Variants in SCN8A observed in about 807,000 individuals in gnomAD.
SCN8A encodes the protein sodium channel protein type 8 subunit alpha.
In SCN8A, 30 loss-of-function variants were observed where a neutral mutation model predicts 184.1. That is an observed-to-expected ratio of 0.16 (90% CI 0.12 to 0.22). SCN8A has a LOEUF of 0.22. SCN8A is among the 10% of genes least tolerant of loss of function. SCN8A has a pLI of 1.00. For synonymous variants in SCN8A, 852 were observed against 907.0 expected, an observed-to-expected ratio of 0.94 and a Z score of 1.09; for missense variants, 1,057 against 2,498.9, an observed-to-expected ratio of 0.42 and a Z score of 12.30.
At position 51,752,487 on chromosome 12, in the gene SCN8A, C is replaced by T. The variant is rs551870122; in HGVS notation, c.2370+894C>T. Reference sequence around the variant, plus strand: ...GTCCTATTACTATACTATTAGAGCACTACAATATCATTTTCATTTCTCATT... The same window carrying T: ...GTCCTATTACTATACTATTAGAGCATTACAATATCATTTTCATTTCTCATT... On this transcript the variant is annotated intron_variant, in intron 14 of 26. Coordinates refer to ENST00000627620, the MANE Select transcript of SCN8A (RefSeq NM_001330260.2). 9.9e-5 allele frequency among the ~76,000 whole-genome samples: 15 copies of T among 152,236 alleles called. No individual in the cohort carries two copies. In the East Asian group the frequency reaches 2.9e-3, roughly 29 times the overall value.
intron 11 of SCN8A, chr12:51,712,414 C>T: frequency 1.3e-6 from 1 of 751,080 alleles, no homozygotes; most frequent in Non-Finnish European, 2.4e-6. Flanking sequence ...TTCCTGACAG[C>T]TCCTCGCGCT....
intron 20 of SCN8A, among the ~76,000 whole-genome samples, chr12:51,775,647 A>G (rs11169916): frequency 0.12 from 18,486 of 152,260 alleles, 1,401 homozygotes; most frequent in East Asian, 0.36. Context: ...CTGGAGCTCT[A>G]AGACTTAAAG....
rs1335543365 is a variant in SCN8A, at chr12:51,807,631, T to C, written c.*202T>C. ...GGGCAAAGGACCCCGCTCCCTAGAC[T>C]TACAGATTTTCTAATGCTTGGGCAG... On this transcript the variant is annotated 3_prime_UTR_variant, in exon 27 of 27. Coordinates refer to ENST00000627620, the MANE Select transcript of SCN8A (RefSeq NM_001330260.2). This position sits in a 1 kb window ranked among gnomAD's most constrained non-coding sequence, Gnocchi z 4.5. The C allele has an allele frequency of 4.9e-6, 3 of 614,024 alleles. No individual in the cohort carries two copies. The highest frequency in any genetic ancestry group is 4.1e-5 in the South Asian group (2 of 49,070). 38.0% of individuals were successfully genotyped at this position (614,024 alleles called of 1,614,324 possible).
chr12:51,615,399 A>T (rs1465489832), intron 1 of SCN8A, among the ~76,000 whole-genome samples: 1 of 152,152 alleles, frequency 6.6e-6, no homozygotes, highest in African/African-American at 2.4e-5. Flanking sequence ...TACAAAAAAT[A>T]CAAAAATTAG....
At chr12:51,771,433 C>T (rs1438377923) in intron 19 of SCN8A, among the ~76,000 whole-genome samples, 1 of 140,380 alleles carries the variant, frequency 7.1e-6, no homozygotes, top group Admixed American at 7.1e-5. Context: ...AATCTGGAAG[C>T]AAAAAAAAAA....
intron 11 of SCN8A, chr12:51,712,892 G>T: frequency 1.3e-6 from 2 of 1,571,270 alleles, no homozygotes; most frequent in South Asian, 2.2e-5. Context: ...TTTCCACCAC[G>T]GCCAAAATTA....
chr12:51,797,927 C>T lies in SCN8A; in HGVS notation c.4795+3286C>T, dbSNP rs553430833. Reference sequence around the variant, plus strand: ...CCTTTAGGCCAGCAGAACATAATGTCGCAGGAACAGGAGGCAAAAATTTTG... The same window carrying T: ...CCTTTAGGCCAGCAGAACATAATGTTGCAGGAACAGGAGGCAAAAATTTTG... On this transcript the variant is annotated intron_variant, in intron 26 of 26. Transcript: ENST00000627620. 8.5e-5 allele frequency among the ~76,000 whole-genome samples: 13 copies of T among 152,216 alleles called. No homozygotes were observed. In the South Asian group the frequency reaches 2.5e-3, roughly 29 times the overall value.
chr12:51,647,692 T>G (rs570285917), intron 1 of SCN8A, among the ~76,000 whole-genome samples: 8 of 152,352 alleles, frequency 5.3e-5, no homozygotes, highest in Admixed American at 5.2e-4. Context: ...TTTCTAGAAC[T>G]GTTATAGATT....
Position 51,807,793 on chromosome 12 carries a change from C to T in SCN8A, c.*364C>T, listed in dbSNP as rs1008683312. ...ATTTTATTTTTTCATTTTATTGATT[C>T]TCAGAAGCAGAAAGCATCACTTTAA... On this transcript the variant is annotated 3_prime_UTR_variant, in exon 27 of 27. Coordinates refer to ENST00000627620, the MANE Select transcript of SCN8A (RefSeq NM_001330260.2). The surrounding 1 kb of genome is among the most constrained non-coding windows in gnomAD (Gnocchi z 4.5). 3.8e-6 allele frequency: 1 copy of T among 260,634 alleles called. No homozygotes were observed. Among genetic ancestry groups the T allele is most frequent in the Non-Finnish European group, 7.3e-6 (1 of 136,532 alleles). 16.1% of individuals were successfully genotyped at this position (260,634 alleles called of 1,614,324 possible). A position where few individuals can be genotyped will look rare whatever the true frequency, so the allele number is the denominator to read the frequency against.
At chr12:51,780,511 G>A in intron 20 of SCN8A, 138 bp from the exon 21 acceptor site, 1 of 594,506 alleles carries the variant, frequency 1.7e-6, no homozygotes, top group Non-Finnish European at 2.5e-6. Flanking sequence ...GGCCCAATCT[G>A]TGTCTGCAGT....
At chr12:51,662,456 GT>G (rs1024571246) in intron 1 of SCN8A, among the ~76,000 whole-genome samples, 1 of 152,080 alleles carries the variant, frequency 6.6e-6, no homozygotes, top group Non-Finnish European at 1.5e-5. Flanking sequence ...GTCCTTATTT[GT>G]TTAGAATAGA....
chr12:51,660,227 G>A (rs765291068), intron 1 of SCN8A, among the ~76,000 whole-genome samples: 1 of 152,316 alleles, frequency 6.6e-6, no homozygotes, highest in South Asian at 2.1e-4. Flanking sequence ...TTGAAGATGG[G>A]ATGAAGAGCA....
At position 51,639,879 on chromosome 12, in the gene SCN8A, C is replaced by CTTTT. The variant is rs71092712; in HGVS notation, c.-54-22850_-54-22847dup. ...AGTATTTTTTGAATTAAGGTATATG[C>CTTTT]TTTTTTTTTTTTTTTTTTTTTTTTT... On this transcript the variant is annotated intron_variant, in intron 1 of 26. Transcript: ENST00000627620. Among the ~76,000 whole-genome samples the CTTTT allele has an allele frequency of 6.0e-4, 9 of 15,066 alleles. 4 individuals are homozygous for CTTTT. The highest frequency in any genetic ancestry group is 1.0e-3 in the Non-Finnish European group (9 of 8,998). The allele number at this position is 15,066 out of a possible 152,430, so 9.9% of individuals were successfully genotyped here.
intron 5 of SCN8A, among the ~76,000 whole-genome samples, chr12:51,688,392 A>G (rs1351689170): frequency 6.6e-6 from 1 of 152,228 alleles, no homozygotes; most frequent in Non-Finnish European, 1.5e-5. Flanking sequence ...CTCCTGCTGC[A>G]GAAATTTGTC....
At chr12:51,678,240 G>A (rs1036176673) in intron 2 of SCN8A, among the ~76,000 whole-genome samples, 6 of 152,186 alleles carry the variant, frequency 3.9e-5, no homozygotes, top group Non-Finnish European at 8.8e-5. Flanking sequence ...GGGAGATAGT[G>A]CAGGGAAAAG....
chr12:51,705,092 T>A (rs1248182494), intron 9 of SCN8A, among the ~76,000 whole-genome samples: 1 of 152,224 alleles, frequency 6.6e-6, no homozygotes, highest in East Asian at 1.9e-4. Flanking sequence ...ACTGCAGTCT[T>A]GTATTCTTTT....
intron 2 of SCN8A, 120 bp from the exon 3 acceptor site, chr12:51,684,054 T>C: frequency 1.4e-6 from 1 of 699,398 alleles, no homozygotes; most frequent in Non-Finnish European, 2.6e-6. Flanking sequence ...AAAAACCAAG[T>C]TGGGAAGTAA....
At chr12:51,600,532 C>T (rs576203942) in intron 1 of SCN8A, among the ~76,000 whole-genome samples, 7 of 151,982 alleles carry the variant, frequency 4.6e-5, no homozygotes, top group Non-Finnish European at 4.4e-5. Context: ...AATCTTAGGC[C>T]GTGTATGAAA....
intron 12 of SCN8A, among the ~76,000 whole-genome samples, chr12:51,741,829 C>G (rs1942428596): frequency 6.6e-6 from 1 of 152,066 alleles, no homozygotes; most frequent in Admixed American, 6.6e-5. Context: ...CTCAGCCCCC[C>G]AAGTAGCTGG....
Sources: gnomAD v4.1 joint callset for allele counts (sites outside exome capture counted in the v4.1 genomes callset) on GRCh38, gnomAD v4.1.1 for gene constraint, Gnocchi (gnomAD v3.1) non-coding constraint, MANE v1.5 for transcripts, NCBI Gene and HGNC (gene_info 2026-07-23, HGNC 2026-07-21) for gene names.